TBC1D19: variants seen among roughly 807,000 people sequenced by gnomAD.
The protein encoded by TBC1D19 is TBC1 domain family, member 19.
A neutral mutation model predicts 89.0 loss-of-function variants in TBC1D19; 60 were observed. The observed-to-expected ratio is 0.67, with a 90% CI of 0.55 to 0.84. The LOEUF (loss-of-function observed/expected upper bound fraction) is 0.84. Among genes scored for constraint, TBC1D19 ranks in the 40% least tolerant of loss-of-function variants. TBC1D19 has a pLI of 0.00. For synonymous variants in TBC1D19, 189 were observed against 199.7 expected, an observed-to-expected ratio of 0.95 and a Z score of 0.45; for missense variants, 500 against 610.8, an observed-to-expected ratio of 0.82 and a Z score of 1.91.
intron 8 of TBC1D19, among the ~76,000 whole-genome samples, chr4:26,660,976 A>G (rs986921733): frequency 2.6e-5 from 4 of 152,194 alleles, no homozygotes; most frequent in Non-Finnish European, 4.4e-5. Context: ...AAGAAGCAAT[A>G]TGATTTTCTC....
At position 26,584,100 on chromosome 4, in the gene TBC1D19, G is replaced by T. The variant is rs1228474097; in HGVS notation, c.-94G>T. 5 of 1,266,386 alleles carry T rather than the reference G, an allele frequency of 3.9e-6. No homozygotes were observed. Among genetic ancestry groups the T allele is most frequent in the Non-Finnish European group, 5.6e-6 (5 of 891,484 alleles). The allele number at this position is 1,266,386 out of a possible 1,614,324, so 78.4% of individuals were successfully genotyped here. Reference sequence around the variant, plus strand: ...AGGAGTCCCAGTGTAATAAGGTCCCGGAGAAGTGTCACTGGCCCTGAGTGG... The same window carrying T: ...AGGAGTCCCAGTGTAATAAGGTCCCTGAGAAGTGTCACTGGCCCTGAGTGG... On this transcript the variant is annotated 5_prime_UTR_variant, in exon 1 of 21. Transcript: ENST00000264866.
chr4:26,804,095 A>C, the TBC1D19 span, among the ~76,000 whole-genome samples: 3 of 148,472 alleles, frequency 2.0e-5, no homozygotes, highest in Admixed American at 6.7e-5. Flanking sequence ...ACAGAAACAA[A>C]AAAAAAAAGC....
At chr4:26,710,936 T>A (rs990529407) in intron 13 of TBC1D19, among the ~76,000 whole-genome samples, 33 of 152,196 alleles carry the variant, frequency 2.2e-4, no homozygotes, top group Non-Finnish European at 3.1e-4. Context: ...TAGCCCTTTG[T>A]CAGATGAGTA....
chr4:26,819,676 C>T, the TBC1D19 span, among the ~76,000 whole-genome samples: 1 of 152,206 alleles, frequency 6.6e-6, no homozygotes, highest in African/African-American at 2.4e-5. Flanking sequence ...TCATGTCACA[C>T]TTCTGCCTCC....
chr4:26,838,320 C>T, the TBC1D19 span, among the ~76,000 whole-genome samples: 16 of 152,204 alleles, frequency 1.1e-4, no homozygotes, highest in African/African-American at 3.9e-4. Flanking sequence ...TATCAGCTTA[C>T]TGTAGAGGCT....
At chr4:26,640,880 TAAAC>T (rs955843122) in intron 7 of TBC1D19, among the ~76,000 whole-genome samples, 6 of 152,114 alleles carry the variant, frequency 3.9e-5, no homozygotes, top group African/African-American at 1.2e-4. Context: ...CTTGAGTAGG[TAAAC>T]AAAGTGGCGG....
chr4:26,700,836 C>T (rs1037413497), intron 13 of TBC1D19, among the ~76,000 whole-genome samples: 1 of 152,136 alleles, frequency 6.6e-6, no homozygotes, highest in South Asian at 2.1e-4. Flanking sequence ...TTCTCTCTTG[C>T]TGAATGCTGG....
At chr4:26,678,614 G>GA (rs1317295836) in intron 11 of TBC1D19, among the ~76,000 whole-genome samples, 1 of 151,558 alleles carries the variant, frequency 6.6e-6, no homozygotes, top group Non-Finnish European at 1.5e-5. Flanking sequence ...AGATAACATA[G>GA]AAAAAAATGG....
At chr4:26,658,146 C>T (rs200845595) in intron 7 of TBC1D19, among the ~76,000 whole-genome samples, 1 of 152,152 alleles carries the variant, frequency 6.6e-6, no homozygotes, top group Non-Finnish European at 1.5e-5. Context: ...TGTTTTAAGA[C>T]ACGAAGTCTT....
the TBC1D19 span, among the ~76,000 whole-genome samples, chr4:26,833,583 A>G: frequency 0.011 from 1,707 of 152,342 alleles, 12 homozygotes; most frequent in Non-Finnish European, 0.019. Context: ...AGCAAAGAGG[A>G]GCTTCTTAGA....
At chr4:26,740,788 A>C (rs1222236196) in intron 17 of TBC1D19, 2 of 985,278 alleles carry the variant, frequency 2.0e-6, no homozygotes, top group East Asian at 2.3e-4. Context: ...CCAAAGAGGC[A>C]ACTGTATTAT....
chr4:26,677,837 G>A (rs1462132528), intron 11 of TBC1D19, among the ~76,000 whole-genome samples: 2 of 152,130 alleles, frequency 1.3e-5, no homozygotes, highest in Non-Finnish European at 2.9e-5. Flanking sequence ...GTGAAGAGGT[G>A]CCTTCTGCTA....
chr4:26,612,918 A>C (rs1741470362), intron 1 of TBC1D19, among the ~76,000 whole-genome samples: 2 of 152,006 alleles, frequency 1.3e-5, no homozygotes. Flanking sequence ...ATAATCTCCA[A>C]GTTTGTATAG....
At chr4:26,610,783 G>GT (rs993183247) in intron 1 of TBC1D19, among the ~76,000 whole-genome samples, 37 of 151,778 alleles carry the variant, frequency 2.4e-4, no homozygotes, top group Non-Finnish European at 1.5e-5. Context: ...TGATCTCGTT[G>GT]TTTTTTATGG....
At chr4:26,616,210 G>C (rs1238362478) in intron 3 of TBC1D19, among the ~76,000 whole-genome samples, 1 of 152,126 alleles carries the variant, frequency 6.6e-6, no homozygotes, top group African/African-American at 2.4e-5. Context: ...CTTAGTATGA[G>C]AGCAAAATTA....
chr4:26,789,083 C>T, the TBC1D19 span, among the ~76,000 whole-genome samples: 1 of 152,272 alleles, frequency 6.6e-6, no homozygotes, highest in African/African-American at 2.4e-5. Flanking sequence ...ATGTAAGGAA[C>T]CCACAGTTTG....
intron 15 of TBC1D19, among the ~76,000 whole-genome samples, chr4:26,733,831 A>G (rs1717810613): frequency 6.6e-6 from 1 of 152,230 alleles, no homozygotes; most frequent in Non-Finnish European, 1.5e-5. Flanking sequence ...ACAACTGTCC[A>G]AGAACACTGT....
In TBC1D19 at chr4:26,755,353, A is replaced by G. The variant is rs2109340088; in HGVS notation, c.*406A>G. The G allele has an allele frequency of 6.6e-6, 1 of 152,512 alleles. No individual in the cohort carries two copies. Among genetic ancestry groups the G allele is most frequent in the Middle Eastern group, 3.4e-3 (1 of 292 alleles). 9.4% of individuals were successfully genotyped at this position (152,512 alleles called of 1,614,324 possible). ...TTATAAATTTATCTCTAGATAATGT[A>G]TTGTTTTGTCTCATAAATTGCTCCT... On this transcript the variant is annotated 3_prime_UTR_variant, in exon 21 of 21. Coordinates refer to ENST00000264866, the MANE Select transcript of TBC1D19 (RefSeq NM_018317.4).
At position 26,731,454 on chromosome 4, in the gene TBC1D19, G is replaced by A. The variant is rs1005491703; in HGVS notation, c.1085-4001G>A. ...GTACATAATCACATTTAGGTATAAG[G>A]GCTAAGGGAGAACAAGAGAGCAAAA... On this transcript the variant is annotated intron_variant, in intron 15 of 20. Transcript: ENST00000264866. Among the ~76,000 whole-genome samples, 5 of 152,002 alleles carry A rather than the reference G, an allele frequency of 3.3e-5. No individual in the cohort carries two copies. In the South Asian group the frequency reaches 6.2e-4, roughly 19 times the overall value.
Sources: gnomAD v4.1 joint callset for allele counts (sites outside exome capture counted in the v4.1 genomes callset) on GRCh38, gnomAD v4.1.1 for gene constraint, MANE v1.5 for transcripts, NCBI Gene and HGNC (gene_info 2026-07-23, HGNC 2026-07-21) for gene names.